TCF7L1: variants seen among roughly 807,000 people sequenced by gnomAD.
The protein encoded by TCF7L1 is transcription factor 7 like 1.
TCF7L1 carries 18 observed loss-of-function variants against 63.7 expected under a neutral mutation model. That is an observed-to-expected ratio of 0.28 (90% CI 0.20 to 0.42). The LOEUF is 0.42. TCF7L1 is among the 10% of genes least tolerant of loss of function. The pLI, the probability that TCF7L1 is intolerant of heterozygous loss-of-function variation, is 1.00. For synonymous variants in TCF7L1, 355 were observed against 340.9 expected (o/e 1.04, Z -0.46); for missense variants, 654 against 779.3 (o/e 0.84, Z 1.91).
At chr2:85,263,308 G>A (rs148908709) in intron 3 of TCF7L1, among the ~76,000 whole-genome samples, 1,993 of 149,834 alleles carry the variant, frequency 0.013, 17 homozygotes, top group Non-Finnish European at 0.017. Context: ...CTTTTGTTGG[G>A]GGTAGGGTGG....
chr2:85,281,020 C>CTT (rs56111730), intron 3 of TCF7L1, among the ~76,000 whole-genome samples: 4 of 105,654 alleles, frequency 3.8e-5, no homozygotes, highest in African/African-American at 1.1e-4. Context: ...CCATTAGCTC[C>CTT]TTTTTTTTTT....
At chr2:85,285,363 T>C (rs76763401) in intron 4 of TCF7L1, among the ~76,000 whole-genome samples, 3,507 of 152,314 alleles carry the variant, frequency 0.023, 138 homozygotes, top group African/African-American at 0.08. Context: ...TCAGGAGACC[T>C]GCTCCTGTGG....
In TCF7L1 at chr2:85,295,279, G is replaced by A. The variant is rs562955463; in HGVS notation, c.526-7205G>A. ...TGCAATGACGCGATCTTGGCTCACCGCAACCTTTGCCTCCCAGGTTCAAGC... is the reference window on the plus strand; with the variant it reads ...TGCAATGACGCGATCTTGGCTCACCACAACCTTTGCCTCCCAGGTTCAAGC... On this transcript the variant is annotated intron_variant, in intron 4 of 11. Coordinates refer to ENST00000282111, the MANE Select transcript of TCF7L1 (RefSeq NM_031283.3). Among the ~76,000 whole-genome samples, 12 of 152,190 alleles carry A rather than the reference G, an allele frequency of 7.9e-5. No homozygotes were observed. In the East Asian group the frequency reaches 1.9e-3, roughly 25 times the overall value.
At chr2:85,256,793 T>A in intron 3 of TCF7L1, among the ~76,000 whole-genome samples, 1 of 152,106 alleles carries the variant, frequency 6.6e-6, no homozygotes, top group Admixed American at 6.5e-5. Context: ...GAGACCAGCC[T>A]GGCCAACATG....
At chr2:85,146,497 C>CTTTTTTTTT (rs554058692) in intron 3 of TCF7L1, among the ~76,000 whole-genome samples, 15 of 103,610 alleles carry the variant, frequency 1.4e-4, no homozygotes, top group South Asian at 3.4e-4. Flanking sequence ...TTCTTTCTTT[C>CTTTTTTTTT]TTTTTTTTTT....
At chr2:85,264,344 C>CA (rs1680922169) in intron 3 of TCF7L1, among the ~76,000 whole-genome samples, 1 of 152,112 alleles carries the variant, frequency 6.6e-6, no homozygotes, top group African/African-American at 2.4e-5. Context: ...AGTGGACTTA[C>CA]AAAAAAGTAT....
At chr2:85,196,609 ATGCTCCCACCT>A (rs1679163958) in intron 3 of TCF7L1, among the ~76,000 whole-genome samples, 2 of 151,598 alleles carry the variant, frequency 1.3e-5, no homozygotes, top group African/African-American at 4.9e-5. Flanking sequence ...ACCCCAAGTG[ATGCTCCCACCT>A]TGACCTCCTA....
At chr2:85,182,588 T>C (rs1678829726) in intron 3 of TCF7L1, among the ~76,000 whole-genome samples, 1 of 152,192 alleles carries the variant, frequency 6.6e-6, no homozygotes, top group Non-Finnish European at 1.5e-5. Context: ...CAGCTTTTGA[T>C]GCTAGAAAAC....
Position 85,133,520 on chromosome 2 carries a change from G to A in TCF7L1, c.-165G>A, listed in dbSNP as rs1393668584. On this transcript the variant is annotated 5_prime_UTR_variant, in exon 1 of 12. Transcript: ENST00000282111. This position sits in a 1 kb window ranked among gnomAD's most constrained non-coding sequence, Gnocchi z 4.4. ...GAGCCGAGCCGCCTGCGCCCCGGCC[G>A]GGCAGCGCCGGGCCCGCTTCCCGCG... 6.4e-6 allele frequency: 1 copy of A among 157,466 alleles called. No individual in the cohort carries two copies. The allele number at this position is 157,466 out of a possible 1,614,324, so 9.8% of individuals were successfully genotyped here.
At position 85,133,980 on chromosome 2, in the gene TCF7L1, C is replaced by T. The variant is rs1235539798; in HGVS notation, c.250-36C>T. 6.3e-7 allele frequency: 1 copy of T among 1,595,182 alleles called. No individual in the cohort carries two copies. ...CCCCGGGGGATCCCGGCCCTGCGTC[C>T]GCTCACCCGCTCTTGCCTTTGTGTC... On this transcript the variant is annotated intron_variant, in intron 1 of 11. Coordinates refer to ENST00000282111, the MANE Select transcript of TCF7L1 (RefSeq NM_031283.3). The surrounding 1 kb of genome is among the most constrained non-coding windows in gnomAD (Gnocchi z 4.4).
At chr2:85,158,316 C>A (rs1678198629) in intron 3 of TCF7L1, among the ~76,000 whole-genome samples, 1 of 152,194 alleles carries the variant, frequency 6.6e-6, no homozygotes, top group Non-Finnish European at 1.5e-5. Flanking sequence ...GACCCAGTCC[C>A]CTCTGGGAGT....
At chr2:85,179,194 A>G (rs1191730141) in intron 3 of TCF7L1, among the ~76,000 whole-genome samples, 2 of 152,198 alleles carry the variant, frequency 1.3e-5, no homozygotes, top group African/African-American at 2.4e-5. Context: ...TGAGTTCAAA[A>G]TGATACGACC....
chr2:85,227,756 G>A lies in TCF7L1; in HGVS notation c.442-55739G>A, dbSNP rs533799166. On this transcript the variant is annotated intron_variant, in intron 3 of 11. Coordinates refer to ENST00000282111, the MANE Select transcript of TCF7L1 (RefSeq NM_031283.3). Reference sequence around the variant, plus strand: ...CACACCTATAATCCCAACACTTTGCGGCCCAAGGTGGGAGGATCTCTTGAG... The same window carrying A: ...CACACCTATAATCCCAACACTTTGCAGCCCAAGGTGGGAGGATCTCTTGAG... 1.8e-4 allele frequency among the ~76,000 whole-genome samples: 28 copies of A among 152,028 alleles called. 1 individual carries two copies. The South Asian group carries it at 3.3e-3, about 18-fold the overall frequency.
intron 3 of TCF7L1, among the ~76,000 whole-genome samples, chr2:85,236,169 C>A (rs1331719730): frequency 7.5e-6 from 1 of 132,482 alleles, no homozygotes; most frequent in Non-Finnish European, 1.5e-5. Context: ...CGCCATCCCC[C>A]CCCCAAAAAA....
chr2:85,285,173 TAGTG>T (rs1262809460), intron 4 of TCF7L1, among the ~76,000 whole-genome samples: 2 of 151,320 alleles, frequency 1.3e-5, no homozygotes, highest in African/African-American at 2.4e-5. Flanking sequence ...GCGGAGCTGA[TAGTG>T]AGCCGAGATC....
chr2:85,253,476 C>T (rs535800191), intron 3 of TCF7L1, among the ~76,000 whole-genome samples: 1 of 152,152 alleles, frequency 6.6e-6, no homozygotes, highest in Non-Finnish European at 1.5e-5. Flanking sequence ...AAATATTGAT[C>T]AGGTTCCTAC....
At chr2:85,267,509 T>C (rs1010132467) in intron 3 of TCF7L1, among the ~76,000 whole-genome samples, 2 of 151,166 alleles carry the variant, frequency 1.3e-5, no homozygotes, top group African/African-American at 2.4e-5. Flanking sequence ...AATTAGCTGG[T>C]GTGGTGGCGC....
chr2:85,149,218 C>T (rs1348779147), intron 3 of TCF7L1, among the ~76,000 whole-genome samples: 1 of 151,616 alleles, frequency 6.6e-6, no homozygotes, highest in African/African-American at 2.4e-5. Context: ...TAACAAATTA[C>T]TTTAACATAA....
At chr2:85,299,860 AACACACAC>A (rs61569778) in intron 4 of TCF7L1, among the ~76,000 whole-genome samples, 5,057 of 92,738 alleles carry the variant, frequency 0.055, 207 homozygotes, top group Non-Finnish European at 0.072. Flanking sequence ...CCTTGTCTCA[AACACACAC>A]ACACACACAC....
Sources: allele counts gnomAD v4.1 joint callset (sites outside exome capture counted in the v4.1 genomes callset), GRCh38; gene constraint gnomAD v4.1.1; non-coding constraint Gnocchi (gnomAD v3.1); transcripts MANE v1.5; gene names NCBI Gene and HGNC (gene_info 2026-07-23, HGNC 2026-07-21).